The following XKR6 variants were observed in gnomAD, a reference collection of about 807,000 sequenced individuals.
XKR6 encodes the protein XK-related protein 6.
In XKR6, 22 loss-of-function variants were observed where a neutral mutation model predicts 56.7. The observed-to-expected ratio is 0.39, with a 90% CI of 0.28 to 0.55. XKR6 has a LOEUF of 0.55. XKR6 is among the 20% of genes least tolerant of loss of function. The pLI is 0.66. For synonymous variants in XKR6, 524 were observed against 387.8 expected (o/e 1.35, Z -4.13); for missense variants, 852 against 889.0 (o/e 0.96, Z 0.53).
Position 10,899,000 on chromosome 8 carries a change from C to T in XKR6, c.962-84G>A. ...GTGAAGCTGCCGGCTGAGGAGACGC[C>T]CACATACACCACGATCTAAAGGAGG... is the stretch of plus-strand genomic sequence containing the variant. On this transcript the variant is annotated intron_variant, in intron 2 of 2. Transcript: ENST00000416569. The surrounding 1 kb of genome is among the most constrained non-coding windows in gnomAD (Gnocchi z 6.6). The T allele has an allele frequency of 6.7e-7, 1 of 1,498,618 alleles. No homozygotes were observed. The highest frequency in any genetic ancestry group is 8.9e-7 in the Non-Finnish European group (1 of 1,129,614). The allele number at this position is 1,498,618 out of a possible 1,614,324, so 92.8% of individuals were successfully genotyped here.
chr8:11,022,417 G>A (rs1191135966), intron 1 of XKR6, among the ~76,000 whole-genome samples: 1 of 152,146 alleles, frequency 6.6e-6, no homozygotes, highest in Admixed American at 6.5e-5. Flanking sequence ...GTTCAAACAT[G>A]TCCAAGCAGT....
Position 10,993,565 on chromosome 8 carries a change from G to T in XKR6, c.765-68735C>A, listed in dbSNP as rs544243184. Among the ~76,000 whole-genome samples the T allele has an allele frequency of 3.9e-3, 591 of 152,346 alleles. 2 individuals are homozygous for T. The highest frequency in any genetic ancestry group is 0.014 in the African/African-American group (565 of 41,584). ...TGCTCAGCCGTTCCAAAAGCAGGTG[G>T]CCCTGCACCTGCGGCTACTGAGGCC... On this transcript the variant is annotated intron_variant, in intron 1 of 2. Transcript: ENST00000416569.
intron 1 of XKR6, among the ~76,000 whole-genome samples, chr8:11,116,290 C>T (rs1032927214): frequency 1.3e-5 from 2 of 152,208 alleles, no homozygotes; most frequent in African/African-American, 4.8e-5. Flanking sequence ...AAGTCTTAAA[C>T]ATGCTCATCT....
At chr8:11,026,191 T>C (rs1469592036) in intron 1 of XKR6, among the ~76,000 whole-genome samples, 1 of 152,016 alleles carries the variant, frequency 6.6e-6, no homozygotes, top group Non-Finnish European at 1.5e-5. Context: ...ACTACACACC[T>C]AGATGGTCTA....
chr8:11,164,033 T>C (rs1421364137), intron 1 of XKR6, among the ~76,000 whole-genome samples: 1 of 152,190 alleles, frequency 6.6e-6, no homozygotes, highest in African/African-American at 2.4e-5. Flanking sequence ...GGGGGGCCAC[T>C]CTCATGCTGA....
intron 1 of XKR6, among the ~76,000 whole-genome samples, chr8:11,172,688 A>C (rs1198701900): frequency 6.6e-6 from 1 of 152,138 alleles, no homozygotes; most frequent in Non-Finnish European, 1.5e-5. Context: ...CTTTTTTTCA[A>C]CCACAGAAAA....
At chr8:11,071,438 A>C (rs1411931354) in intron 1 of XKR6, among the ~76,000 whole-genome samples, 1 of 151,282 alleles carries the variant, frequency 6.6e-6, no homozygotes, top group Non-Finnish European at 1.5e-5. Flanking sequence ...ACAGGGTTTC[A>C]TACAACCTCA....
At chr8:11,142,973 T>G (rs1420745230) in intron 1 of XKR6, among the ~76,000 whole-genome samples, 5 of 152,238 alleles carry the variant, frequency 3.3e-5, no homozygotes, top group African/African-American at 9.6e-5. Context: ...ATTCATTATT[T>G]TGAAAGCTGT....
intron 1 of XKR6, among the ~76,000 whole-genome samples, chr8:11,091,880 A>G (rs1028076091): frequency 4.6e-5 from 7 of 152,218 alleles, no homozygotes. Context: ...ACCCAGCACA[A>G]TGCCAAGGTC....
At chr8:11,163,424 G>C (rs1051028273) in intron 1 of XKR6, among the ~76,000 whole-genome samples, 1 of 152,104 alleles carries the variant, frequency 6.6e-6, no homozygotes, top group Non-Finnish European at 1.5e-5. Context: ...CATTTCCCAA[G>C]TCCTCACCTA....
At position 10,897,997 on chromosome 8, in the gene XKR6, G is replaced by A. The variant is rs200925376; in HGVS notation, c.1881C>T (p.Asp627=). ...TPTAVGIRYR[D]GPLLYELLQY... Reference sequence around the variant, plus strand: ...GTAGCAACTCATAGAGGAGTGGTCCGTCTCGATATCGAATGCCTACTGCGG... The same window carrying A: ...GTAGCAACTCATAGAGGAGTGGTCCATCTCGATATCGAATGCCTACTGCGG... The change falls in exon 3 of 3, where the codon GAC becomes GAT. Residue 627 remains aspartate, a synonymous_variant. Coordinates refer to ENST00000416569, the MANE Select transcript of XKR6 (RefSeq NM_173683.4). The A allele has an allele frequency of 2.0e-5, 33 of 1,610,256 alleles. No homozygotes were observed. The highest frequency in any genetic ancestry group is 3.4e-5 in the Admixed American group (2 of 59,246).
intron 1 of XKR6, among the ~76,000 whole-genome samples, chr8:11,188,103 A>C (rs1803369670): frequency 6.6e-6 from 1 of 152,160 alleles, no homozygotes; most frequent in Non-Finnish European, 1.5e-5. Context: ...TGTGTGTATC[A>C]CATTACAGTA....
chr8:11,161,181 A>G (rs917564235), intron 1 of XKR6, among the ~76,000 whole-genome samples: 1 of 152,208 alleles, frequency 6.6e-6, no homozygotes, highest in African/African-American at 2.4e-5. Context: ...AATCAAAGAT[A>G]TAGGATGGAA....
intron 1 of XKR6, among the ~76,000 whole-genome samples, chr8:10,929,290 G>A (rs1437610994): frequency 6.6e-6 from 1 of 152,238 alleles, no homozygotes; most frequent in East Asian, 1.9e-4. Context: ...ACACCCCTAT[G>A]AGGTAGCTGC....
intron 2 of XKR6, among the ~76,000 whole-genome samples, chr8:10,910,406 C>T (rs1376221087): frequency 6.6e-6 from 1 of 152,106 alleles, no homozygotes; most frequent in Non-Finnish European, 1.5e-5. Context: ...CAGGGACCTT[C>T]GGAAGGCCAT....
intron 1 of XKR6, among the ~76,000 whole-genome samples, chr8:11,189,069 T>C (rs759272422): frequency 2.0e-5 from 3 of 152,220 alleles, no homozygotes; most frequent in Non-Finnish European, 4.4e-5. Flanking sequence ...AGGCCATTTT[T>C]CTTCTCTGCT....
At chr8:11,129,093 A>T (rs1799974143) in intron 1 of XKR6, 1 of 385,954 alleles carries the variant, frequency 2.6e-6, no homozygotes, top group Non-Finnish European at 5.1e-6. Flanking sequence ...TCAAGAGCCC[A>T]ATCAAGAAAA....
chr8:11,020,387 AT>A (rs1289693940), intron 1 of XKR6, among the ~76,000 whole-genome samples: 1 of 152,232 alleles, frequency 6.6e-6, no homozygotes, highest in African/African-American at 2.4e-5. Context: ...TCAGTAATTC[AT>A]TTGACAAATA....
intron 2 of XKR6, among the ~76,000 whole-genome samples, chr8:10,905,466 G>A (rs879203822): frequency 1.3e-5 from 2 of 152,162 alleles, no homozygotes; most frequent in Admixed American, 1.3e-4. Flanking sequence ...TGTAGATGAG[G>A]AGACCGAAAC....
Sources: allele counts gnomAD v4.1 joint callset (sites outside exome capture counted in the v4.1 genomes callset), GRCh38; gene constraint gnomAD v4.1.1; non-coding constraint Gnocchi (gnomAD v3.1); transcripts MANE v1.5; gene names NCBI Gene and HGNC (gene_info 2026-07-23, HGNC 2026-07-21).